TMEM163: variants seen among roughly 807,000 people sequenced by gnomAD.
TMEM163 encodes transmembrane protein 163.
Under a neutral mutation model 29.3 loss-of-function variants are expected in TMEM163, and 17 were observed. The observed-to-expected ratio is 0.58, with a 90% CI of 0.40 to 0.87. The LOEUF is 0.87. TMEM163 is among the 40% of genes least tolerant of loss of function. TMEM163 has a pLI of 0.00. For missense variants in TMEM163, 303 were observed against 381.5 expected (o/e 0.79, Z 1.71); for synonymous variants, 157 against 160.6 (o/e 0.98, Z 0.17).
intron 2 of TMEM163, among the ~76,000 whole-genome samples, chr2:134,696,218 C>A (rs987617866): frequency 1.3e-5 from 2 of 152,118 alleles, no homozygotes; most frequent in Non-Finnish European, 2.9e-5. Context: ...TGTGATGCTA[C>A]CTCTCTCACA....
At chr2:134,662,575 C>G (rs543894707) in intron 2 of TMEM163, among the ~76,000 whole-genome samples, 101 of 152,224 alleles carry the variant, frequency 6.6e-4, no homozygotes, top group Admixed American at 2.0e-3. Flanking sequence ...CTGAAAGGTT[C>G]ATAGTGCTTC....
At chr2:134,706,857 C>G (rs528135204) in intron 2 of TMEM163, among the ~76,000 whole-genome samples, 7 of 152,292 alleles carry the variant, frequency 4.6e-5, no homozygotes, top group African/African-American at 1.7e-4. Context: ...GTCCGTACTC[C>G]GTGTGCTGTC....
chr2:134,498,836 G>C (rs780347197), intron 5 of TMEM163, among the ~76,000 whole-genome samples: 12 of 152,236 alleles, frequency 7.9e-5, no homozygotes, highest in Admixed American at 2.0e-4. Context: ...GGAGAAGACA[G>C]ACAGGAGGCC....
intron 2 of TMEM163, among the ~76,000 whole-genome samples, chr2:134,604,640 T>G (rs1357357707): frequency 6.6e-6 from 1 of 152,082 alleles, no homozygotes; most frequent in African/African-American, 2.4e-5. Flanking sequence ...TCATTGAAAA[T>G]GTAATTAAAT....
intron 2 of TMEM163, among the ~76,000 whole-genome samples, chr2:134,566,884 GAA>G (rs1681311170): frequency 6.6e-6 from 1 of 152,144 alleles, no homozygotes; most frequent in South Asian, 2.1e-4. Flanking sequence ...TTAAGCTCTT[GAA>G]AAAGATAGAT....
intron 2 of TMEM163, among the ~76,000 whole-genome samples, chr2:134,595,209 A>T (rs1437581079): frequency 6.6e-6 from 1 of 151,934 alleles, no homozygotes; most frequent in Non-Finnish European, 1.5e-5. Flanking sequence ...GGTGTGCTGC[A>T]CCCATTAACT....
At chr2:134,589,358 G>A (rs916512200) in intron 2 of TMEM163, among the ~76,000 whole-genome samples, 1 of 152,200 alleles carries the variant, frequency 6.6e-6, no homozygotes, top group East Asian at 1.9e-4. Flanking sequence ...GGATGAGATG[G>A]GAGGTTGGCA....
intron 2 of TMEM163, among the ~76,000 whole-genome samples, chr2:134,615,381 G>A (rs35564151): frequency 0.3 from 45,696 of 152,076 alleles, 9,667 homozygotes; most frequent in Non-Finnish European, 0.47. Context: ...AAAAATATCA[G>A]CGGTTTATAA....
At chr2:134,642,263 G>A (rs557822845) in intron 2 of TMEM163, among the ~76,000 whole-genome samples, 101 of 151,956 alleles carry the variant, frequency 6.6e-4, no homozygotes, top group Admixed American at 2.0e-3. Flanking sequence ...TGAGAAGCTG[G>A]GATTACAGGC....
chr2:134,713,378 A>G (rs1684970961), intron 1 of TMEM163, 59 bp from the exon 2 acceptor site: 3 of 1,605,448 alleles, frequency 1.9e-6, no homozygotes, highest in Non-Finnish European at 2.5e-6. Context: ...ACCCACAGCG[A>G]GAGCTACAAT....
At chr2:134,498,174 G>A (rs1679615054) in intron 5 of TMEM163, among the ~76,000 whole-genome samples, 1 of 152,072 alleles carries the variant, frequency 6.6e-6, no homozygotes, top group Non-Finnish European at 1.5e-5. Flanking sequence ...CAGTCACACA[G>A]GTAAGAAAAG....
intron 2 of TMEM163, among the ~76,000 whole-genome samples, chr2:134,569,391 A>G (rs896442236): frequency 2.6e-5 from 4 of 152,278 alleles, no homozygotes; most frequent in South Asian, 2.1e-4. Flanking sequence ...CATCATTTCA[A>G]TCAGAACGAC....
chr2:134,540,674 T>C (rs1172114715), intron 4 of TMEM163, among the ~76,000 whole-genome samples: 3 of 152,198 alleles, frequency 2.0e-5, no homozygotes, highest in African/African-American at 4.8e-5. Flanking sequence ...TCCAGTTCTA[T>C]CCATCACTAA....
chr2:134,468,746 G>A (rs114493301), intron 5 of TMEM163: 5,466 of 152,312 alleles, frequency 0.036, 161 homozygotes, highest in South Asian at 0.13. Context: ...ACAGGGCCTG[G>A]GGTGTGCTGC....
chr2:134,679,255 C>G (rs1684181732), intron 2 of TMEM163, among the ~76,000 whole-genome samples: 1 of 152,220 alleles, frequency 6.6e-6, no homozygotes, highest in Non-Finnish European at 1.5e-5. Context: ...GGCGCACTCA[C>G]TGAACAGCAG....
Position 134,640,504 on chromosome 2 carries a change from T to C in TMEM163, c.322+72696A>G, listed in dbSNP as rs570304103. 7.2e-5 allele frequency among the ~76,000 whole-genome samples: 11 copies of C among 152,168 alleles called. 1 individual carries two copies. The highest frequency in any genetic ancestry group is 1.5e-4 in the Non-Finnish European group (10 of 68,020). The stretch of plus-strand genomic sequence containing the variant: ...CCTAGAAAACTCAAGCAAAATGGCA[T>C]TGGTACAGATGAGTTTTAACCATCA... On this transcript the variant is annotated intron_variant, in intron 2 of 7. Coordinates refer to ENST00000281924, the MANE Select transcript of TMEM163 (RefSeq NM_030923.5).
chr2:134,534,944 GT>G (rs1680499682), intron 4 of TMEM163, among the ~76,000 whole-genome samples: 1 of 152,064 alleles, frequency 6.6e-6, no homozygotes. Context: ...CAAAGTCGGG[GT>G]AAGGGGAGCA....
intron 2 of TMEM163, among the ~76,000 whole-genome samples, chr2:134,657,991 C>T (rs912369153): frequency 6.7e-6 from 1 of 149,844 alleles, no homozygotes; most frequent in African/African-American, 2.5e-5. Flanking sequence ...ATACACATAC[C>T]CCCTGAACTT....
chr2:134,580,114 C>A (rs1428014336), intron 2 of TMEM163, among the ~76,000 whole-genome samples: 1 of 152,186 alleles, frequency 6.6e-6, no homozygotes, highest in Non-Finnish European at 1.5e-5. Context: ...AGTATTTTAC[C>A]TGTCCAATTA....
Sources: gnomAD v4.1 joint callset for allele counts (sites outside exome capture counted in the v4.1 genomes callset) on GRCh38, gnomAD v4.1.1 for gene constraint, MANE v1.5 for transcripts, NCBI Gene and HGNC (gene_info 2026-07-23, HGNC 2026-07-21) for gene names.